ZNF804B: variants seen among roughly 807,000 people sequenced by gnomAD.
ZNF804B encodes zinc finger 804B.
A neutral mutation model predicts 101.4 loss-of-function variants in ZNF804B; 80 were observed. The ratio of observed to expected loss-of-function variants is 0.79; its 90% CI spans 0.66 to 0.95. The LOEUF (loss-of-function observed/expected upper bound fraction) is 0.95. Among genes scored for constraint, ZNF804B ranks in the 40% least tolerant of loss-of-function variants. ZNF804B has a pLI of 0.00. For missense variants in ZNF804B, 1,673 were observed against 1,561.9 expected, an observed-to-expected ratio of 1.07 and a Z score of -1.20; for synonymous variants, 622 against 558.8, an observed-to-expected ratio of 1.11 and a Z score of -1.59.
At chr7:89,257,305 T>C (rs2115803682) in intron 2 of ZNF804B, among the ~76,000 whole-genome samples, 1 of 152,290 alleles carries the variant, frequency 6.6e-6, no homozygotes, top group Admixed American at 6.5e-5. Context: ...ATATAGCATA[T>C]TATATGTAAA....
intron 2 of ZNF804B, among the ~76,000 whole-genome samples, chr7:89,230,124 A>G (rs773823698): frequency 2.5e-4 from 38 of 152,130 alleles, no homozygotes; most frequent in Admixed American, 9.2e-4. Flanking sequence ...AAAAAACTGC[A>G]AAAAGAACAG....
At chr7:88,946,476 G>A (rs1793130901) in intron 1 of ZNF804B, among the ~76,000 whole-genome samples, 1 of 151,728 alleles carries the variant, frequency 6.6e-6, no homozygotes, top group African/African-American at 2.4e-5. Context: ...TTTTTGATGT[G>A]CTGATGGATT....
intron 1 of ZNF804B, among the ~76,000 whole-genome samples, chr7:89,064,334 C>G (rs892179963): frequency 3.9e-5 from 6 of 152,168 alleles, no homozygotes; most frequent in Non-Finnish European, 2.9e-5. Flanking sequence ...ACAGCCCTCC[C>G]TGAAGCTGGG....
At chr7:89,076,839 G>T (rs145832056) in intron 1 of ZNF804B, among the ~76,000 whole-genome samples, 1 of 152,278 alleles carries the variant, frequency 6.6e-6, no homozygotes, top group African/African-American at 2.4e-5. Flanking sequence ...GGAGAGAGAA[G>T]GATGCTGAGA....
intron 1 of ZNF804B, among the ~76,000 whole-genome samples, chr7:88,809,315 C>G (rs900655674): frequency 1.6e-3 from 75 of 48,214 alleles, no homozygotes; most frequent in African/African-American, 7.7e-3. Context: ...ATCTATCTAT[C>G]TATCTATCTA....
At chr7:88,886,875 T>C (rs1034610849) in intron 1 of ZNF804B, among the ~76,000 whole-genome samples, 1 of 150,430 alleles carries the variant, frequency 6.6e-6, no homozygotes, top group Admixed American at 6.7e-5. Flanking sequence ...TTTGTACATC[T>C]GCATATTTAA....
At chr7:89,143,840 A>G (rs1287488345) in intron 1 of ZNF804B, among the ~76,000 whole-genome samples, 1 of 151,974 alleles carries the variant, frequency 6.6e-6, no homozygotes, top group African/African-American at 2.4e-5. Context: ...TTTTTTCATA[A>G]TATGCATTTT....
intron 3 of ZNF804B, among the ~76,000 whole-genome samples, chr7:89,331,048 A>T (rs1790969428): frequency 6.6e-6 from 1 of 151,440 alleles, no homozygotes; most frequent in African/African-American, 2.4e-5. Flanking sequence ...ATAACTGCAT[A>T]ATAATGGAAT....
rs779256325 is a variant in ZNF804B at position 89,336,928 on chromosome 7, C to G, written c.3946C>G (p.Pro1316Ala). ...SIIHLNPLIQPVFQGQDFCHH... is the reference protein window; with the variant it reads ...SIIHLNPLIQAVFQGQDFCHH... ...CATCCACTTGAATCCTTTAATCCAA[C>G]CAGTATTCCAAGGTCAAGATTTTTG... Residue 1316 changes from proline to alanine, a missense_variant, in exon 4 of 4, where the codon CCA becomes GCA. By Grantham distance (27) the Pro-to-Ala change is conservative. Coordinates refer to ENST00000333190, the MANE Select transcript of ZNF804B (RefSeq NM_181646.5). The G allele has an allele frequency of 3.1e-6, 5 of 1,613,934 alleles. No individual in the cohort carries two copies. The highest frequency in any genetic ancestry group is 4.2e-6 in the Non-Finnish European group (5 of 1,179,994).
chr7:89,271,962 C>A (rs1789905130), intron 2 of ZNF804B, among the ~76,000 whole-genome samples: 1 of 151,908 alleles, frequency 6.6e-6, no homozygotes, highest in African/African-American at 2.4e-5. Flanking sequence ...AAAAATTTGT[C>A]TTTTAGGAAG....
chr7:89,256,952 T>C (rs1214601223), intron 2 of ZNF804B, among the ~76,000 whole-genome samples: 1 of 152,306 alleles, frequency 6.6e-6, no homozygotes, highest in East Asian at 1.9e-4. Context: ...ATACTTTTCA[T>C]TTATGATAGA....
At chr7:88,810,208 C>T (rs1036387978) in intron 1 of ZNF804B, among the ~76,000 whole-genome samples, 1 of 147,890 alleles carries the variant, frequency 6.8e-6, no homozygotes, top group African/African-American at 2.5e-5. Context: ...CACAGTCATG[C>T]TTTTTTTTTT....
chr7:89,316,903 G>T (rs1204976223), intron 2 of ZNF804B, among the ~76,000 whole-genome samples: 5 of 152,168 alleles, frequency 3.3e-5, no homozygotes, highest in Non-Finnish European at 7.4e-5. Context: ...GAAAAACAAG[G>T]AAAACCCTCC....
chr7:89,333,937 G>T lies in ZNF804B; in HGVS notation c.955G>T (p.Gly319Cys). Residue 319 changes from glycine (G) to cysteine (C), a missense_variant, in exon 4 of 4, where the codon GGC (glycine) becomes TGC (cysteine). Coordinates refer to ENST00000333190, the MANE Select transcript of ZNF804B (RefSeq NM_181646.5). ...SIDETLEDSIGIHASFSKSNI... is the reference protein window; with the variant it reads ...SIDETLEDSICIHASFSKSNI... ...TGATGAGACACTAGAAGATTCAATT[G>T]GCATTCATGCTTCATTCTCTAAATC... The T allele has an allele frequency of 1.2e-6, 2 of 1,613,498 alleles. No individual in the cohort carries two copies. The highest frequency in any genetic ancestry group is 1.1e-5 in the South Asian group (1 of 91,062).
Position 88,946,686 on chromosome 7 carries a change from C to T in ZNF804B, c.108+186602C>T, listed in dbSNP as rs1272912024. The stretch of plus-strand genomic sequence containing the variant: ...AGTTTCAGAAGGAATGGTACCATTT[C>T]CTCTTTGTATCTCTGGTAGAATTAG... On this transcript the variant is annotated intron_variant, in intron 1 of 3. Transcript: ENST00000333190. Among the ~76,000 whole-genome samples the T allele has an allele frequency of 4.0e-5, 6 of 151,046 alleles. No homozygotes were observed. In the East Asian group the frequency reaches 1.2e-3, roughly 30 times the overall value.
intron 1 of ZNF804B, among the ~76,000 whole-genome samples, chr7:88,810,087 A>G (rs1028991286): frequency 1.3e-5 from 2 of 152,086 alleles, no homozygotes; most frequent in East Asian, 3.9e-4. Context: ...ACCACTACCA[A>G]TGTTCCGTGA....
In ZNF804B at chr7:89,289,675, C is replaced by T. The variant is rs141665171; in HGVS notation, c.250-37669C>T. ...AGGGAGCATTTAGACCAGCCCTACA[C>T]GAAGGGGAATCACTCATCTCAGTGG... On this transcript the variant is annotated intron_variant, in intron 2 of 3. Transcript: ENST00000333190. 2.5e-3 allele frequency among the ~76,000 whole-genome samples: 378 copies of T among 152,246 alleles called. 1 individual carries two copies. Among genetic ancestry groups the T allele is most frequent in the African/African-American group, 7.8e-3 (325 of 41,538 alleles).
chr7:88,883,104 T>C (rs1562822021), intron 1 of ZNF804B, among the ~76,000 whole-genome samples: 1 of 152,122 alleles, frequency 6.6e-6, no homozygotes, highest in East Asian at 1.9e-4. Context: ...TCCCTCTGGG[T>C]TAAACATGGT....
intron 1 of ZNF804B, among the ~76,000 whole-genome samples, chr7:88,902,482 A>T (rs1792407179): frequency 6.6e-6 from 1 of 151,986 alleles, no homozygotes; most frequent in African/African-American, 2.4e-5. Context: ...GATGCCCAAA[A>T]CTCACTTTGG....
Sources: allele counts gnomAD v4.1 joint callset (sites outside exome capture counted in the v4.1 genomes callset), GRCh38; gene constraint gnomAD v4.1.1; transcripts MANE v1.5; gene names NCBI Gene and HGNC (gene_info 2026-07-23, HGNC 2026-07-21).